CPNE4: variants seen among roughly 807,000 people sequenced by gnomAD.
The protein encoded by CPNE4 is copine-4.
In CPNE4, 25 loss-of-function variants were observed where a neutral mutation model predicts 67.9. That is an observed-to-expected ratio of 0.37 (90% CI 0.27 to 0.51). The LOEUF is 0.51. Ranked by LOEUF, CPNE4 falls within the 20% of genes least tolerant of loss-of-function variation. The probability of loss-of-function intolerance (pLI) is 0.93; values close to 1 mark genes in which losing one functional copy is unlikely to be tolerated. For missense variants in CPNE4, 464 were observed against 690.8 expected, an observed-to-expected ratio of 0.67 and a Z score of 3.68; for synonymous variants, 242 against 244.9, an observed-to-expected ratio of 0.99 and a Z score of 0.11.
intron 7 of CPNE4, among the ~76,000 whole-genome samples, chr3:131,594,953 G>T (rs981358306): frequency 6.6e-6 from 1 of 152,166 alleles, no homozygotes; most frequent in Non-Finnish European, 1.5e-5. Context: ...GTATACGAAG[G>T]TGCTTGGCAT....
chr3:131,552,465 A>G lies in CPNE4; in HGVS notation c.1143T>C (p.Phe381=). 1 of 1,612,840 alleles carries G rather than the reference A, an allele frequency of 6.2e-7. No individual in the cohort carries two copies. Among genetic ancestry groups the G allele is most frequent in the Non-Finnish European group, 8.5e-7 (1 of 1,179,172 alleles). ...YTVSHDFAIN[F]NEDNPECAGI... ...CTGCACATTCTGGGTTGTCTTCATTAAAGTTGATTGCAAAGTCATGAGAGA... is the reference window on the plus strand; with the variant it reads ...CTGCACATTCTGGGTTGTCTTCATTGAAGTTGATTGCAAAGTCATGAGAGA... The change falls in exon 13 of 16, where the codon TTT becomes TTC. Residue 381 remains phenylalanine, a synonymous_variant. Transcript: ENST00000429747.
chr3:131,634,293 G>A (rs572322527), intron 7 of CPNE4, among the ~76,000 whole-genome samples: 1 of 152,062 alleles, frequency 6.6e-6, no homozygotes, highest in Admixed American at 6.5e-5. Context: ...GACTTAATAA[G>A]TTTATAATAC....
intron 1 of CPNE4, among the ~76,000 whole-genome samples, chr3:131,959,914 TA>T (rs2072114223): frequency 6.6e-6 from 1 of 152,354 alleles, no homozygotes; most frequent in African/African-American, 2.4e-5. Context: ...CCTATTATTT[TA>T]AATATCATCT....
At chr3:131,951,203 A>T (rs1168677503) in intron 1 of CPNE4, among the ~76,000 whole-genome samples, 1 of 152,202 alleles carries the variant, frequency 6.6e-6, no homozygotes, top group Admixed American at 6.5e-5. Flanking sequence ...CTTTGCAAGA[A>T]TATTGTACAT....
intron 1 of CPNE4, among the ~76,000 whole-genome samples, chr3:131,933,424 G>C (rs376275881): frequency 8.2e-4 from 125 of 152,224 alleles, no homozygotes; most frequent in South Asian, 8.1e-3. Flanking sequence ...GTGCTCTGTT[G>C]GTGAGAAGGT....
At chr3:131,950,887 GTTAT>G (rs2071702388) in intron 1 of CPNE4, among the ~76,000 whole-genome samples, 1 of 152,234 alleles carries the variant, frequency 6.6e-6, no homozygotes, top group East Asian at 1.9e-4. Flanking sequence ...TCAACTTGTG[GTTAT>G]TTGTTTACAT....
chr3:131,966,368 A>T (rs1480948107), intron 1 of CPNE4, among the ~76,000 whole-genome samples: 1 of 152,196 alleles, frequency 6.6e-6, no homozygotes, highest in Admixed American at 6.5e-5. Context: ...GAAATAACCA[A>T]GACAGAGCAG....
At chr3:131,987,157 T>C (rs2073070966) in intron 1 of CPNE4, among the ~76,000 whole-genome samples, 1 of 152,146 alleles carries the variant, frequency 6.6e-6, no homozygotes, top group Non-Finnish European at 1.5e-5. Flanking sequence ...AAATATTAAG[T>C]AAAAAATAGT....
intron 7 of CPNE4, among the ~76,000 whole-genome samples, chr3:131,658,084 T>A (rs2080025197): frequency 6.6e-6 from 1 of 152,164 alleles, no homozygotes; most frequent in Admixed American, 6.5e-5. Context: ...GTATGGAGCT[T>A]GATAATTATA....
chr3:131,757,390 G>C (rs534260516), intron 2 of CPNE4, among the ~76,000 whole-genome samples: 36 of 152,320 alleles, frequency 2.4e-4, no homozygotes, highest in Non-Finnish European at 4.3e-4. Flanking sequence ...AAAGAGACTG[G>C]TGGCATTTTG....
intron 2 of CPNE4, among the ~76,000 whole-genome samples, chr3:131,852,492 G>A (rs1157633142): frequency 2.0e-5 from 3 of 151,936 alleles, no homozygotes; most frequent in Admixed American, 1.3e-4. Flanking sequence ...AAACCTCTCA[G>A]AATATTGGAA....
chr3:131,962,647 A>T (rs1225319279), intron 1 of CPNE4, among the ~76,000 whole-genome samples: 1 of 152,202 alleles, frequency 6.6e-6, no homozygotes, highest in African/African-American at 2.4e-5. Flanking sequence ...AACATTTATA[A>T]TTGAATATTT....
intron 1 of CPNE4, among the ~76,000 whole-genome samples, chr3:131,999,465 A>G (rs1400119370): frequency 2.0e-5 from 3 of 152,050 alleles, no homozygotes; most frequent in African/African-American, 4.8e-5. Flanking sequence ...AGTACATACT[A>G]TATGTTTCCA....
At chr3:131,537,972 G>T (rs74808375) in intron 15 of CPNE4, among the ~76,000 whole-genome samples, 2,897 of 152,272 alleles carry the variant, frequency 0.019, 38 homozygotes, top group East Asian at 0.032. Context: ...ACTGCAGGAA[G>T]TTTAGCAGCA....
chr3:131,920,676 C>T (rs529643684), intron 1 of CPNE4, among the ~76,000 whole-genome samples: 35 of 152,080 alleles, frequency 2.3e-4, no homozygotes, highest in Admixed American at 6.6e-4. Context: ...AAAAAAATCT[C>T]CGGAACCAGG....
chr3:131,681,874 C>T (rs2080766782), intron 6 of CPNE4, among the ~76,000 whole-genome samples: 1 of 151,842 alleles, frequency 6.6e-6, no homozygotes, highest in East Asian at 1.9e-4. Context: ...TATCTTCAAG[C>T]TAATTCTTTC....
At chr3:131,814,283 C>G (rs1165134196) in intron 2 of CPNE4, among the ~76,000 whole-genome samples, 5 of 152,096 alleles carry the variant, frequency 3.3e-5, no homozygotes, top group Admixed American at 6.5e-5. Flanking sequence ...ATTGTAGCAA[C>G]TCAAGAAATA....
chr3:131,743,063 G>A (rs1449715377), intron 2 of CPNE4, among the ~76,000 whole-genome samples: 2 of 152,148 alleles, frequency 1.3e-5, no homozygotes, highest in Non-Finnish European at 2.9e-5. Flanking sequence ...GTAAATTTAG[G>A]AGGTGGTTCT....
intron 2 of CPNE4, among the ~76,000 whole-genome samples, chr3:131,831,699 C>T (rs1466827223): frequency 2.6e-5 from 4 of 152,126 alleles, no homozygotes; most frequent in Non-Finnish European, 4.4e-5. Flanking sequence ...ATAACTGTCT[C>T]ATTTTGAGTT....
Sources: allele counts gnomAD v4.1 joint callset (sites outside exome capture counted in the v4.1 genomes callset), GRCh38; gene constraint gnomAD v4.1.1; transcripts MANE v1.5; gene names NCBI Gene and HGNC (gene_info 2026-07-23, HGNC 2026-07-21).